The following TET1 variants were observed in gnomAD, a reference collection of about 807,000 sequenced individuals.
The protein encoded by TET1 is methylcytosine dioxygenase TET1.
In TET1, 13 loss-of-function variants were observed where a neutral mutation model predicts 148.7. That is an observed-to-expected ratio of 0.09 (90% confidence interval 0.06 to 0.14). The LOEUF (loss-of-function observed/expected upper bound fraction) is 0.14. TET1 is among the 10% of genes least tolerant of loss of function. The pLI, the probability that TET1 is intolerant of heterozygous loss-of-function variation, is 1.00. For missense variants in TET1, 2,182 were observed against 2,553.8 expected (o/e 0.85, Z 3.14); for synonymous variants, 907 against 937.2 (o/e 0.97, Z 0.59).
At chr10:68,620,150 T>C (rs959580289) in intron 3 of TET1, among the ~76,000 whole-genome samples, 2 of 152,102 alleles carry the variant, frequency 1.3e-5, no homozygotes, top group Non-Finnish European at 2.9e-5. Context: ...AGCCAGGCAC[T>C]CCAGCTTGAG....
intron 3 of TET1, among the ~76,000 whole-genome samples, chr10:68,642,553 G>T (rs1156851744): frequency 6.6e-6 from 1 of 152,152 alleles, no homozygotes; most frequent in Non-Finnish European, 1.5e-5. Flanking sequence ...AGTAGAGAAT[G>T]GCTATGTTGT....
At chr10:68,662,808 CGG>C (rs2055141489) in intron 6 of TET1, among the ~76,000 whole-genome samples, 4 of 152,184 alleles carry the variant, frequency 2.6e-5, no homozygotes, top group Admixed American at 2.0e-4. Flanking sequence ...GAGGGTTAGG[CGG>C]AAGGATCGAA....
At chr10:68,564,673 T>C (rs1026040727) in intron 1 of TET1, among the ~76,000 whole-genome samples, 1 of 152,210 alleles carries the variant, frequency 6.6e-6, no homozygotes, top group African/African-American at 2.4e-5. Context: ...TATCATGTTA[T>C]CATGTAGCTA....
rs774175425 is a variant in TET1, at chr10:68,646,039, C to T, written c.3310C>T (p.Pro1104Ser). The T allele has an allele frequency of 2.5e-6, 4 of 1,613,848 alleles. No homozygotes were observed. The highest frequency in any genetic ancestry group is 3.4e-6 in the Non-Finnish European group (4 of 1,180,016). Residue 1104 changes from proline to serine, a missense_variant, in exon 4 of 12, where the codon CCA becomes TCA. Pro to Ser is a moderately conservative substitution (Grantham distance 74). This residue lies in a region of TET1 where 582 missense variants were observed against 599.5 expected (regional missense o/e 0.97). Coordinates refer to ENST00000373644, the MANE Select transcript of TET1 (RefSeq NM_030625.3). The stretch of plus-strand genomic sequence containing the variant: ...AGAGGACAAAAAAGTTGAAAGTACA[C>T]CAACAAGCCTTGTCACATGTAATGT... ...KPEDKKVEST[P>S]TSLVTCNVQQ...
intron 2 of TET1, 68 bp downstream of exon 2, chr10:68,574,320 TTCTAGTGTC>T (rs1243299978): frequency 9.4e-6 from 12 of 1,271,776 alleles, no homozygotes; most frequent in East Asian, 4.7e-5. Context: ...GCAGAGACAC[TTCTAGTGTC>T]TCTAGTGTCT....
chr10:68,643,560 C>T (rs1332487834), intron 3 of TET1, among the ~76,000 whole-genome samples: 2 of 152,090 alleles, frequency 1.3e-5, no homozygotes, highest in African/African-American at 4.8e-5. Context: ...GTGGCTCACA[C>T]CTGTAATGCC....
intron 3 of TET1, among the ~76,000 whole-genome samples, chr10:68,611,460 T>C (rs1400840902): frequency 6.6e-6 from 1 of 151,988 alleles, no homozygotes; most frequent in East Asian, 1.9e-4. Context: ...CACTCCAGCC[T>C]GGGCAACATA....
chr10:68,658,722 A>G (rs1269301646), intron 6 of TET1, among the ~76,000 whole-genome samples: 1 of 152,070 alleles, frequency 6.6e-6, no homozygotes, highest in Non-Finnish European at 1.5e-5. Context: ...GTTCTTCAGT[A>G]GATTTTGAAG....
intron 6 of TET1, among the ~76,000 whole-genome samples, chr10:68,663,853 T>C (rs2055156579): frequency 6.6e-6 from 1 of 152,206 alleles, no homozygotes; most frequent in Non-Finnish European, 1.5e-5. Context: ...AGAAGCCAAA[T>C]TTGCCTGCTG....
intron 3 of TET1, among the ~76,000 whole-genome samples, chr10:68,615,626 A>G (rs1160027084): frequency 6.6e-6 from 1 of 151,828 alleles, no homozygotes; most frequent in Non-Finnish European, 1.5e-5. Flanking sequence ...GATTACAGGC[A>G]TGAGCCACTG....
intron 11 of TET1, among the ~76,000 whole-genome samples, chr10:68,687,363 A>C (rs568289743): frequency 1.6e-3 from 242 of 151,568 alleles, no homozygotes; most frequent in Middle Eastern, 6.8e-3. Context: ...CACTGTGCCC[A>C]GCTAATTTTA....
At chr10:68,610,275 T>A (rs369653943) in intron 3 of TET1, among the ~76,000 whole-genome samples, 1 of 151,600 alleles carries the variant, frequency 6.6e-6, no homozygotes, top group Non-Finnish European at 1.5e-5. Context: ...AGTGCGAGAC[T>A]CTGTCTCAAA....
chr10:68,566,357 T>C (rs1310029015), intron 1 of TET1, among the ~76,000 whole-genome samples: 1 of 152,194 alleles, frequency 6.6e-6, no homozygotes, highest in African/African-American at 2.4e-5. Context: ...GATGAAGGTA[T>C]TTGTTGACTT....
intron 8 of TET1, chr10:68,674,788 C>T (rs183333080): frequency 8.6e-5 from 42 of 487,828 alleles, no homozygotes; most frequent in Admixed American, 5.4e-4. Context: ...ATGCTTAGCA[C>T]CAATGTTTCG....
intron 6 of TET1, among the ~76,000 whole-genome samples, chr10:68,665,430 T>C (rs2055184478): frequency 6.6e-6 from 1 of 152,150 alleles, no homozygotes; most frequent in Non-Finnish European, 1.5e-5. Context: ...AGTTAGTCCT[T>C]TGTTTATTTT....
At chr10:68,591,729 C>G (rs1027425115) in intron 2 of TET1, among the ~76,000 whole-genome samples, 1 of 151,852 alleles carries the variant, frequency 6.6e-6, no homozygotes, top group Non-Finnish European at 1.5e-5. Context: ...GGTGAAACCC[C>G]GTCTCCACTA....
chr10:68,608,486 TG>T (rs2054158618), intron 3 of TET1, among the ~76,000 whole-genome samples: 1 of 151,948 alleles, frequency 6.6e-6, no homozygotes, highest in South Asian at 2.1e-4. Flanking sequence ...CTACCCGCCT[TG>T]GCCTCCCTAA....
rs1268340539 is a variant in TET1 at position 68,617,128 on chromosome 10, TCTC to T, written c.1968+16097_1968+16099del. ...GCTCCGCTTCCCGGGTTCACACTATTCTCCTGCCTCAGCCTCCCGAGTAGCTGG... is the reference window on the plus strand; with the variant it reads ...GCTCCGCTTCCCGGGTTCACACTATTCTGCCTCAGCCTCCCGAGTAGCTGG... On this transcript the variant is annotated intron_variant, in intron 3 of 11. Transcript: ENST00000373644. Among the ~76,000 whole-genome samples the T allele has an allele frequency of 2.1e-5, 3 of 141,414 alleles. No individual in the cohort carries two copies. In the South Asian group the frequency reaches 7.2e-4, roughly 34 times the overall value. 92.8% of individuals were successfully genotyped at this position (141,414 alleles called of 152,430 possible).
chr10:68,690,741 C>CT, intron 11 of TET1, 67 bp from the exon 12 acceptor site: 1 of 1,471,662 alleles, frequency 6.8e-7, no homozygotes. Context: ...TTTGAAAATA[C>CT]TTTTTAAAAG....
Sources: allele counts gnomAD v4.1 joint callset (sites outside exome capture counted in the v4.1 genomes callset), GRCh38; gene constraint gnomAD v4.1.1; regional missense constraint gnomAD v4.1.1; transcripts MANE v1.5; gene names NCBI Gene and HGNC (gene_info 2026-07-23, HGNC 2026-07-21).